Variants in GART observed in about 807,000 individuals in gnomAD.
GART encodes phosphoribosylglycinamide formyltransferase, phosphoribosylglycinamide synthetase, phosphoribosylaminoimidazole synthetase.
GART carries 43 observed loss-of-function variants against 107.2 expected under a neutral mutation model. The ratio of observed to expected loss-of-function variants is 0.40; its 90% confidence interval spans 0.31 to 0.52. The LOEUF is 0.52. GART is among the 20% of genes least tolerant of loss of function. GART has a pLI of 0.52. For missense variants in GART, 1,107 were observed against 1,206.5 expected, an observed-to-expected ratio of 0.92 and a Z score of 1.22; for synonymous variants, 434 against 427.0, an observed-to-expected ratio of 1.02 and a Z score of -0.20.
At chr21:33,542,285 G>C (rs950805590), upstream of GART, 1 of 152,250 alleles carries the variant, frequency 6.6e-6, no homozygotes, top group African/African-American at 2.4e-5. Context: ...AGACACCCAA[G>C]CCTTAGCACG....
chr21:33,530,539 T>C (rs1227412220), intron 7 of GART, among the ~76,000 whole-genome samples: 1 of 152,212 alleles, frequency 6.6e-6, no homozygotes, highest in Non-Finnish European at 1.5e-5. Flanking sequence ...ATTCAACCCA[T>C]ACTATACTTT....
At chr21:33,524,576 G>A (rs529610326) in intron 11 of GART, 193 bp downstream of exon 11, 5 of 1,216,662 alleles carry the variant, frequency 4.1e-6, no homozygotes, top group Non-Finnish European at 5.0e-6. Flanking sequence ...CCAAACTTAC[G>A]CTATCATGAA....
chr21:33,529,225 G>A lies in GART; in HGVS notation c.724-288C>T, dbSNP rs530224451. Among the ~76,000 whole-genome samples the A allele has an allele frequency of 3.9e-5, 6 of 152,166 alleles. No homozygotes were observed. The South Asian group carries it at 1.2e-3, about 32-fold the overall frequency. On this transcript the variant is annotated intron_variant, in intron 7 of 21. Coordinates refer to ENST00000381815, the MANE Select transcript of GART (RefSeq NM_000819.5). ...GAAACAAGTTCTCTCCTACCCTAAG[G>A]CTTCTTTGTACTCTTCCCAGTATAC...
chr21:33,534,728 T>G lies in GART; in HGVS notation c.267A>C (p.Ala89=). 6.2e-7 allele frequency: 1 copy of G among 1,601,128 alleles called. No homozygotes were observed. The highest frequency in any genetic ancestry group is 8.5e-7 in the Non-Finnish European group (1 of 1,174,760). The change falls in exon 4 of 22, where the codon GCA becomes GCC. Residue 89 remains alanine, a synonymous_variant. Transcript: ENST00000381815. ...CTGTTGGGCCAAAGCATTGCACTCC[T>G]GCAGACCTCAGGTTCCCAACAATCC... ...AAGIVGNLRS[A]GVQCFGPTAE...
intron 2 of GART, among the ~76,000 whole-genome samples, chr21:33,535,812 A>G (rs960119431): frequency 3.3e-5 from 5 of 152,022 alleles, no homozygotes; most frequent in Admixed American, 1.3e-4. Flanking sequence ...TGGATCACCT[A>G]AGGTCAGGAG....
At chr21:33,538,776 T>C (rs2145769440) in intron 2 of GART, among the ~76,000 whole-genome samples, 1 of 152,184 alleles carries the variant, frequency 6.6e-6, no homozygotes, top group African/African-American at 2.4e-5. Context: ...CCCTGAATAG[T>C]AGTCTATATT....
intron 10 of GART, among the ~76,000 whole-genome samples, chr21:33,527,016 A>G: frequency 6.6e-6 from 1 of 152,196 alleles, no homozygotes; most frequent in East Asian, 1.9e-4. Context: ...AAAACTCAAT[A>G]TTGCTCTGGC....
chr21:33,511,486 A>AT, intron 16 of GART, 28 bp from the exon 17 acceptor site: 1 of 1,603,646 alleles, frequency 6.2e-7, no homozygotes, highest in Non-Finnish European at 8.5e-7. Flanking sequence ...GAATTGTTTG[A>AT]TTTTCCTACC....
chr21:33,508,255 C>T (rs929720416), intron 18 of GART, among the ~76,000 whole-genome samples: 2 of 152,016 alleles, frequency 1.3e-5, no homozygotes, highest in Admixed American at 6.6e-5. Context: ...GAGAAATAAG[C>T]TGCTTAATTA....
chr21:33,511,066 A>G (rs1429179067), intron 17 of GART, among the ~76,000 whole-genome samples, 186 bp downstream of exon 17: 1 of 152,146 alleles, frequency 6.6e-6, no homozygotes, highest in East Asian at 1.9e-4. Context: ...CTTAGTTCTG[A>G]GGCAGAAATG....
intron 10 of GART, among the ~76,000 whole-genome samples, chr21:33,525,582 C>T (rs1215810003): frequency 6.6e-6 from 1 of 152,054 alleles, no homozygotes; most frequent in African/African-American, 2.4e-5. Context: ...AGGAATGTGC[C>T]ACCACACCCA....
rs750414163 is a variant in GART at position 33,534,575 on chromosome 21, C to T, written c.416+4G>A. On this transcript the variant is annotated splice_donor_region_variant and intron_variant, in intron 4 of 21. Coordinates refer to ENST00000381815, the MANE Select transcript of GART (RefSeq NM_000819.5). Reference sequence around the variant, plus strand: ...CTGTCCTTCACAGACAACCATTTACCTACCTCAAAATGAAGCTGCAGGCTT... The same window carrying T: ...CTGTCCTTCACAGACAACCATTTACTTACCTCAAAATGAAGCTGCAGGCTT... 3.7e-6 allele frequency: 6 copies of T among 1,614,046 alleles called. No homozygotes were observed. Among genetic ancestry groups the T allele is most frequent in the Non-Finnish European group, 5.1e-6 (6 of 1,179,974 alleles).
intron 7 of GART, 54 bp from the exon 8 acceptor site, chr21:33,528,991 T>C (rs140094760): frequency 1.7e-6 from 2 of 1,197,128 alleles, no homozygotes; most frequent in African/African-American, 3.0e-5. Context: ...AAAGTCTAAG[T>C]AGTATTACAT....
intron 11 of GART, 33 bp from the exon 12 acceptor site, chr21:33,522,315 G>T (rs752457681): frequency 2.1e-6 from 3 of 1,406,860 alleles, no homozygotes; most frequent in South Asian, 1.2e-5. Flanking sequence ...TCACCTAAAC[G>T]TCAGGGAAAA....
rs1389434784 is a variant in GART at position 33,515,665 on chromosome 21, A to AC, written c.2107+1323_2107+1324insG. ...AAGACTCCAACTCAAAAAAAAAAAAAAAAAAAAAAACGAAAAACAAAAAAC... is the reference window on the plus strand; with the variant it reads ...AAGACTCCAACTCAAAAAAAAAAAAACAAAAAAAAAACGAAAAACAAAAAAC... On this transcript the variant is annotated intron_variant, in intron 16 of 21. Transcript: ENST00000381815. Among the ~76,000 whole-genome samples, 52 of 151,372 alleles carry AC rather than the reference A, an allele frequency of 3.4e-4. 2 individuals are homozygous for AC. The South Asian group carries it at 0.01, about 30-fold the overall frequency.
intron 14 of GART, chr21:33,518,495 AG>A: frequency 5.4e-6 from 1 of 183,820 alleles, no homozygotes; most frequent in Non-Finnish European, 1.1e-5. Flanking sequence ...AAAAAAAAAA[AG>A]AAGAAATTGT....
In GART at chr21:33,520,502, T is replaced by C. The variant is rs1314221566; in HGVS notation, c.1564A>G (p.Asn522Asp). The stretch of plus-strand genomic sequence containing the variant: ...TCTGCTCCTTGTGCCAGAATATCAT[T>C]AACACACATTGCTACCAAATCTTGA... ...IGQDLVAMCV[N>D]DILAQGAEPL... The change falls in exon 14 of 22, where the codon AAT becomes GAT. Residue 522 changes from asparagine (N) to aspartate (D), a missense_variant. Coordinates refer to ENST00000381815, the MANE Select transcript of GART (RefSeq NM_000819.5). 6.2e-7 allele frequency: 1 copy of C among 1,614,196 alleles called. No individual in the cohort carries two copies.
chr21:33,512,289 G>GAAAAAA (rs563178142), intron 16 of GART, among the ~76,000 whole-genome samples: 14 of 65,438 alleles, frequency 2.1e-4, no homozygotes, highest in Non-Finnish European at 3.0e-4. Context: ...GACTCAAATT[G>GAAAAAA]AAAAAAAAAA....
rs397806524 is a variant in GART, at chr21:33,528,618, GAAAAAA to G, written c.812-20_812-15del. On this transcript the variant is annotated splice_polypyrimidine_tract_variant and intron_variant, in intron 8 of 21. Coordinates refer to ENST00000381815, the MANE Select transcript of GART (RefSeq NM_000819.5). ...CATAGAGAATACCTTCATTAAAAAA[GAAAAAA>G]AAAAAAAAGAGAGAAAGAAAATCTA... is the stretch of plus-strand genomic sequence containing the variant. The G allele has an allele frequency of 5.7e-6, 6 of 1,049,850 alleles. No individual in the cohort carries two copies. The highest frequency in any genetic ancestry group is 6.7e-6 in the Non-Finnish European group (5 of 750,854). 65.0% of individuals were successfully genotyped at this position (1,049,850 alleles called of 1,614,324 possible). A position where few individuals can be genotyped will look rare whatever the true frequency, so the allele number is the denominator to read the frequency against.
Sources: allele counts gnomAD v4.1 joint callset (sites outside exome capture counted in the v4.1 genomes callset), GRCh38; gene constraint gnomAD v4.1.1; transcripts MANE v1.5; gene names NCBI Gene and HGNC (gene_info 2026-07-23, HGNC 2026-07-21).